Variants in MCUR1 observed in about 807,000 individuals in gnomAD.
MCUR1 encodes the protein MCU regulator 1.
MCUR1 carries 37 observed loss-of-function variants against 42.0 expected under a neutral mutation model. That is an observed-to-expected ratio of 0.88 (90% CI 0.68 to 1.16). The LOEUF is 1.16. MCUR1 is among the 50% of genes most tolerant of loss of function. MCUR1 has a pLI of 0.00. For missense variants in MCUR1, 469 were observed against 468.4 expected, an observed-to-expected ratio of 1.00 and a Z score of -0.01; for synonymous variants, 229 against 196.2, an observed-to-expected ratio of 1.17 and a Z score of -1.40.
Position 13,798,850 on chromosome 6 carries a change from T to C in MCUR1, c.838A>G (p.Ser280Gly). The change falls in exon 6 of 9, where the codon AGC (serine) becomes GGC (glycine). Residue 280 changes from serine (S) to glycine (G), a missense_variant. Transcript: ENST00000379170. ...GAACGTACCAATTCTTTTACTCTGCTCTTTTCTAGGTTGAAGTCTAATTTG... is the reference window on the plus strand; with the variant it reads ...GAACGTACCAATTCTTTTACTCTGCCCTTTTCTAGGTTGAAGTCTAATTTG... ...DTKLDFNLEK[S>G]RVKELYSLNE... is the part of the protein sequence containing the mutation. 1.2e-6 allele frequency: 2 copies of C among 1,611,532 alleles called. No individual in the cohort carries two copies. Among genetic ancestry groups the C allele is most frequent in the Non-Finnish European group, 1.7e-6 (2 of 1,177,984 alleles).
At chr6:13,808,557 T>C (rs974233966) in intron 1 of MCUR1, among the ~76,000 whole-genome samples, 4 of 152,254 alleles carry the variant, frequency 2.6e-5, no homozygotes, top group African/African-American at 9.6e-5. Context: ...TTGTTGCTTG[T>C]GCTTTTGATA....
intron 6 of MCUR1, among the ~76,000 whole-genome samples, chr6:13,795,312 TAA>T (rs1759832470): frequency 6.6e-6 from 1 of 152,082 alleles, no homozygotes; most frequent in Non-Finnish European, 1.5e-5. Context: ...TGTGCACCAC[TAA>T]ACCTCAGTCT....
At chr6:13,806,224 C>G (rs1760108836) in intron 2 of MCUR1, among the ~76,000 whole-genome samples, 1 of 151,868 alleles carries the variant, frequency 6.6e-6, no homozygotes, top group Non-Finnish European at 1.5e-5. Flanking sequence ...TGCACTCCAG[C>G]CTGGGTGACA....
intron 7 of MCUR1, among the ~76,000 whole-genome samples, chr6:13,793,325 C>T (rs1035468751): frequency 3.9e-5 from 6 of 152,052 alleles, no homozygotes; most frequent in African/African-American, 1.4e-4. Flanking sequence ...CACCCATGCC[C>T]ACAGCAGCAC....
At chr6:13,794,639 T>A in intron 6 of MCUR1, among the ~76,000 whole-genome samples, 1 of 18,644 alleles carries the variant, frequency 5.4e-5, no homozygotes, top group South Asian at 1.9e-3. Context: ...ACATGTTGGG[T>A]TTTTTTTTTT....
chr6:13,796,836 C>G (rs1759867555), intron 6 of MCUR1, among the ~76,000 whole-genome samples: 1 of 152,014 alleles, frequency 6.6e-6, no homozygotes, highest in African/African-American at 2.4e-5. Context: ...GTAGTTTTTC[C>G]CAGGTTGGTT....
intron 2 of MCUR1, among the ~76,000 whole-genome samples, chr6:13,804,715 G>A (rs894690671): frequency 6.6e-5 from 10 of 150,536 alleles, no homozygotes; most frequent in African/African-American, 1.5e-4. Flanking sequence ...GCATGAACCC[G>A]GGAGGTGGAG....
intron 8 of MCUR1, among the ~76,000 whole-genome samples, chr6:13,791,628 G>C (rs113744305): frequency 1.1e-4 from 16 of 152,112 alleles, no homozygotes; most frequent in African/African-American, 3.6e-4. Context: ...TTCAATTATA[G>C]TATCTTATCA....
chr6:13,793,268 T>A (rs943441468), intron 7 of MCUR1, among the ~76,000 whole-genome samples: 3 of 152,056 alleles, frequency 2.0e-5, no homozygotes, highest in Non-Finnish European at 4.4e-5. Context: ...CACTTCTGCA[T>A]ATATACCCAA....
intron 4 of MCUR1, 133 bp downstream of exon 4, chr6:13,801,155 G>C (rs907498754): frequency 6.1e-6 from 4 of 659,970 alleles, no homozygotes; most frequent in African/African-American, 3.6e-5. Context: ...TTTCCTGCTC[G>C]ATCTGACTGG....
intron 2 of MCUR1, chr6:13,803,808 A>C: frequency 1.0e-6 from 1 of 985,364 alleles, no homozygotes; most frequent in Non-Finnish European, 1.2e-6. Context: ...AACTCAAACT[A>C]AACTTTTGCC....
intron 2 of MCUR1, among the ~76,000 whole-genome samples, chr6:13,804,648 C>T (rs1760076686): frequency 6.6e-6 from 1 of 151,770 alleles, no homozygotes; most frequent in Non-Finnish European, 1.5e-5. Context: ...GTGGCAGGCG[C>T]CTGTAGTCCC....
At chr6:13,803,652 C>T in intron 2 of MCUR1, 1 of 712,270 alleles carries the variant, frequency 1.4e-6, no homozygotes, top group Non-Finnish European at 1.7e-6. Context: ...GACCTATTCC[C>T]ATCACTTTCG....
chr6:13,812,673 A>G (rs1406942915), intron 1 of MCUR1, among the ~76,000 whole-genome samples: 1 of 152,194 alleles, frequency 6.6e-6, no homozygotes, highest in Non-Finnish European at 1.5e-5. Flanking sequence ...TCTACTAATC[A>G]GTTTTTACCC....
Position 13,814,554 on chromosome 6 carries a change from T to G in MCUR1, c.-125A>C. The G allele has an allele frequency of 1.2e-5, 9 of 740,018 alleles. No individual in the cohort carries two copies. The highest frequency in any genetic ancestry group is 1.0e-5 in the Non-Finnish European group (6 of 600,798). The allele number at this position is 740,018 out of a possible 1,614,324, so 45.8% of individuals were successfully genotyped here. A position where few individuals can be genotyped will look rare whatever the true frequency, so the allele number is the denominator to read the frequency against. ...TGGGCCACAGCGCAGGACCGCCCTT[T>G]CCTGCCGGGCGCGCGGGCGGGGCTC... On this transcript the variant is annotated 5_prime_UTR_variant, in exon 1 of 9. Coordinates refer to ENST00000379170, the MANE Select transcript of MCUR1 (RefSeq NM_001031713.4).
chr6:13,800,276 T>C, intron 5 of MCUR1, 65 bp downstream of exon 5: 1 of 1,053,662 alleles, frequency 9.5e-7, no homozygotes, highest in Non-Finnish European at 1.4e-6. Context: ...CCATTTCTAA[T>C]ATTATACTTA....
intron 2 of MCUR1, among the ~76,000 whole-genome samples, chr6:13,804,939 G>A (rs1760085671): frequency 1.3e-5 from 2 of 152,022 alleles, no homozygotes; most frequent in South Asian, 4.1e-4. Flanking sequence ...GAAGACACAG[G>A]TCTGGATAAA....
At chr6:13,807,723 C>G (rs1156419701) in intron 1 of MCUR1, among the ~76,000 whole-genome samples, 1 of 152,186 alleles carries the variant, frequency 6.6e-6, no homozygotes, top group Non-Finnish European at 1.5e-5. Flanking sequence ...AGCAGCTATA[C>G]CATTTTACAC....
chr6:13,789,645 T>C lies in MCUR1; in HGVS notation c.*1164A>G, dbSNP rs1480407140. ...ATGTATCCATCATCTAGGTATCTTATACATGGAGAGCTGACTGCATCCCTT... is the reference window on the plus strand; with the variant it reads ...ATGTATCCATCATCTAGGTATCTTACACATGGAGAGCTGACTGCATCCCTT... On this transcript the variant is annotated 3_prime_UTR_variant, in exon 9 of 9. Transcript: ENST00000379170. The C allele has an allele frequency of 6.6e-6, 1 of 152,224 alleles. No homozygotes were observed. Among genetic ancestry groups the C allele is most frequent in the Non-Finnish European group, 1.5e-5 (1 of 68,040 alleles). The allele number at this position is 152,224 out of a possible 1,614,324, so 9.4% of individuals were successfully genotyped here. A position where few individuals can be genotyped will look rare whatever the true frequency, so the allele number is the denominator to read the frequency against.
Sources: gnomAD v4.1 joint callset for allele counts (sites outside exome capture counted in the v4.1 genomes callset) on GRCh38, gnomAD v4.1.1 for gene constraint, MANE v1.5 for transcripts, NCBI Gene and HGNC (gene_info 2026-07-23, HGNC 2026-07-21) for gene names.